The following CHRNA7 variants were observed in gnomAD, a reference collection of about 807,000 sequenced individuals.
CHRNA7 encodes the protein cholinergic receptor nicotinic alpha 7 subunit, also known as neuronal acetylcholine receptor subunit alpha-7.
CHRNA7 carries 17 observed loss-of-function variants against 48.0 expected under a neutral mutation model. The ratio of observed to expected loss-of-function variants is 0.35; its 90% CI spans 0.24 to 0.53. CHRNA7 has a LOEUF of 0.53. Among genes scored for constraint, CHRNA7 ranks in the 20% least tolerant of loss-of-function variants. The pLI, the probability that CHRNA7 is intolerant of heterozygous loss-of-function variation, is 0.92. For synonymous variants in CHRNA7, 75 were observed against 242.3 expected, an observed-to-expected ratio of 0.31 and a Z score of 6.41; for missense variants, 155 against 577.7, an observed-to-expected ratio of 0.27 and a Z score of 7.50.
At chr15:32,049,452 G>C (rs550666603) in intron 2 of CHRNA7, among the ~76,000 whole-genome samples, 2 of 152,224 alleles carry the variant, frequency 1.3e-5, no homozygotes, top group South Asian at 2.1e-4. Flanking sequence ...TGTTTTATCA[G>C]AGACTAGGAT....
chr15:32,090,788 T>A (rs2050371096), intron 2 of CHRNA7, among the ~76,000 whole-genome samples: 1 of 152,232 alleles, frequency 6.6e-6, no homozygotes, highest in Admixed American at 6.5e-5. Context: ...ACTTCCTTAA[T>A]CTGAGGAAAA....
intron 2 of CHRNA7, among the ~76,000 whole-genome samples, chr15:32,048,959 T>C (rs1015227904): frequency 3.1e-4 from 47 of 149,748 alleles, no homozygotes; most frequent in Non-Finnish European, 5.6e-4. Flanking sequence ...GGTTGTTCAG[T>C]TTCCACGTAG....
At chr15:32,136,986 C>A (rs1456182345) in intron 4 of CHRNA7, among the ~76,000 whole-genome samples, 1 of 141,952 alleles carries the variant, frequency 7.0e-6, no homozygotes, top group Non-Finnish European at 1.5e-5. Flanking sequence ...GAGCCGAGAT[C>A]CCGCCACTGC....
chr15:32,042,019 T>C (rs1000818244), intron 2 of CHRNA7, among the ~76,000 whole-genome samples: 6 of 152,350 alleles, frequency 3.9e-5, no homozygotes, highest in African/African-American at 1.2e-4. Flanking sequence ...GTTCTGTCTC[T>C]TCAAATTGTG....
intron 2 of CHRNA7, among the ~76,000 whole-genome samples, chr15:32,047,554 G>A (rs930207363): frequency 4.6e-5 from 7 of 152,168 alleles, no homozygotes; most frequent in Admixed American, 2.6e-4. Context: ...TTGCTTATCA[G>A]CTTCAGGAGA....
intron 2 of CHRNA7, among the ~76,000 whole-genome samples, chr15:32,035,310 G>A (rs1295584483): frequency 6.6e-6 from 1 of 152,074 alleles, no homozygotes; most frequent in African/African-American, 2.4e-5. Flanking sequence ...GCATCTGAAG[G>A]CCATTCTAAG....
chr15:32,075,309 A>G (rs957681946), intron 2 of CHRNA7, among the ~76,000 whole-genome samples: 1 of 152,202 alleles, frequency 6.6e-6, no homozygotes, highest in African/African-American at 2.4e-5. Context: ...AACATTTGAT[A>G]CAGTGAAATC....
chr15:32,030,517 C>T lies in CHRNA7; in HGVS notation c.-78C>T, dbSNP rs912076951. On this transcript the variant is annotated 5_prime_UTR_variant, in exon 1 of 10. Transcript: ENST00000306901. ...GCGCGCGAGCCGAGCGGCGAGGTGC[C>T]TCTGTGGCCGCAGGCGCAGGCCCGG... 4.5e-5 allele frequency: 60 copies of T among 1,327,260 alleles called. No individual in the cohort carries two copies. The Admixed American group carries it at 6.6e-4, about 15-fold the overall frequency. The allele number at this position is 1,327,260 out of a possible 1,614,324, so 82.2% of individuals were successfully genotyped here.
intron 4 of CHRNA7, among the ~76,000 whole-genome samples, chr15:32,142,791 TATTTG>T (rs2051408913): frequency 6.6e-6 from 1 of 152,204 alleles, no homozygotes; most frequent in Non-Finnish European, 1.5e-5. Context: ...TTATTGCGTC[TATTTG>T]ATTTTTCTCT....
intron 2 of CHRNA7, among the ~76,000 whole-genome samples, chr15:32,087,290 T>C (rs1171799646): frequency 2.0e-5 from 3 of 152,364 alleles, no homozygotes; most frequent in Admixed American, 6.5e-5. Flanking sequence ...TTTGCTGCAG[T>C]ATCCCTCTGG....
Position 32,164,913 on chromosome 15 carries a change from TAAAAAAAAAAA to T in CHRNA7, c.990+1599_990+1609del, listed in dbSNP as rs1164824394. Among the ~76,000 whole-genome samples, 75 of 15,956 alleles carry T rather than the reference TAAAAAAAAAAA, an allele frequency of 4.7e-3. 6 individuals are homozygous for T. The East Asian group carries it at 0.17, about 35-fold the overall frequency. The allele number at this position is 15,956 out of a possible 152,430, so 10.5% of individuals were successfully genotyped here. A position where few individuals can be genotyped will look rare whatever the true frequency, so the allele number is the denominator to read the frequency against. ...GGTGACAGAGCAAAACTCCATCTCC[TAAAAAAAAAAA>T]AAAAAAAAAAAAAAAAAAAAGACTG... On this transcript the variant is annotated intron_variant, in intron 9 of 9. Transcript: ENST00000306901.
At chr15:32,134,671 T>C (rs1406220170) in intron 4 of CHRNA7, among the ~76,000 whole-genome samples, 1 of 152,196 alleles carries the variant, frequency 6.6e-6, no homozygotes, top group Non-Finnish European at 1.5e-5. Flanking sequence ...AAAGGCAGGT[T>C]TGGACTCTTA....
chr15:32,130,632 CT>C (rs2051139131), intron 4 of CHRNA7, among the ~76,000 whole-genome samples: 1 of 150,554 alleles, frequency 6.6e-6, no homozygotes, highest in Non-Finnish European at 1.5e-5. Flanking sequence ...TTTTTAGAAT[CT>C]TTTTTATTTA....
At chr15:32,110,371 T>G (rs987280805) in intron 3 of CHRNA7, among the ~76,000 whole-genome samples, 2 of 152,144 alleles carry the variant, frequency 1.3e-5, no homozygotes, top group Admixed American at 1.3e-4. Flanking sequence ...CACTTCCATC[T>G]CATTAGAGAC....
chr15:32,067,777 CA>C (rs1227493499), intron 2 of CHRNA7, among the ~76,000 whole-genome samples: 1 of 152,124 alleles, frequency 6.6e-6, no homozygotes, highest in African/African-American at 2.4e-5. Context: ...CAAAGTTATA[CA>C]GGGGGAAAGT....
intron 4 of CHRNA7, among the ~76,000 whole-genome samples, chr15:32,144,152 G>A (rs2051438734): frequency 6.6e-6 from 1 of 152,132 alleles, no homozygotes; most frequent in Non-Finnish European, 1.5e-5. Context: ...TGTCTGTAAA[G>A]GATTTTATTT....
intron 2 of CHRNA7, among the ~76,000 whole-genome samples, chr15:32,082,501 A>C (rs965598138): frequency 2.6e-5 from 4 of 152,336 alleles, no homozygotes; most frequent in Admixed American, 2.6e-4. Flanking sequence ...AGAACAACTC[A>C]GCATGAAAAT....
chr15:32,054,090 T>C (rs565909259), intron 2 of CHRNA7, among the ~76,000 whole-genome samples: 1 of 152,336 alleles, frequency 6.6e-6, no homozygotes, highest in East Asian at 1.9e-4. Context: ...ACTTATTTAC[T>C]TTATTTTGTG....
intron 4 of CHRNA7, among the ~76,000 whole-genome samples, chr15:32,113,821 C>T (rs74874994): frequency 0.092 from 13,940 of 150,900 alleles, 942 homozygotes; most frequent in East Asian, 0.35. Context: ...TTATAACATT[C>T]AGCCTGAGCA....
Sources: gnomAD v4.1 joint callset for allele counts (sites outside exome capture counted in the v4.1 genomes callset) on GRCh38, gnomAD v4.1.1 for gene constraint, MANE v1.5 for transcripts, NCBI Gene and HGNC (gene_info 2026-07-23, HGNC 2026-07-21) for gene names.